Variants in STX7 observed in about 807,000 individuals in gnomAD.
STX7 encodes the protein syntaxin 7.
In STX7, 34 loss-of-function variants were observed where a neutral mutation model predicts 39.6. That is an observed-to-expected ratio of 0.86 (90% CI 0.65 to 1.14). STX7 has a LOEUF of 1.14. STX7 is among the 50% of genes most tolerant of loss of function. The pLI is 0.00. For missense variants in STX7, 284 were observed against 310.4 expected, an observed-to-expected ratio of 0.92 and a Z score of 0.64; for synonymous variants, 119 against 99.1, an observed-to-expected ratio of 1.20 and a Z score of -1.19.
intron 3 of STX7, among the ~76,000 whole-genome samples, chr6:132,474,227 CAAAAAAAAAAA>C (rs67939950): frequency 2.9e-5 from 2 of 69,914 alleles, no homozygotes; most frequent in African/African-American, 5.7e-5. Context: ...GATCCTGTCT[CAAAAAAAAAAA>C]AAAAAAAAAA....
At chr6:132,468,662 A>G (rs778445437) in intron 7 of STX7, among the ~76,000 whole-genome samples, 187 bp from the exon 8 acceptor site, 3 of 152,178 alleles carry the variant, frequency 2.0e-5, no homozygotes, top group Admixed American at 1.3e-4. Flanking sequence ...GAATTTGAAC[A>G]ATAGCCACCA....
chr6:132,485,879 C>T (rs1249763355), intron 2 of STX7, among the ~76,000 whole-genome samples: 1 of 152,102 alleles, frequency 6.6e-6, no homozygotes, highest in Non-Finnish European at 1.5e-5. Flanking sequence ...ATTATATAAG[C>T]TTTCTTTAAT....
intron 2 of STX7, among the ~76,000 whole-genome samples, chr6:132,486,838 T>C (rs1382641555): frequency 6.6e-6 from 1 of 152,060 alleles, no homozygotes; most frequent in Non-Finnish European, 1.5e-5. Flanking sequence ...GCTAATTTTT[T>C]GTACTTTTAG....
At chr6:132,492,153 G>A (rs1775305984) in intron 2 of STX7, among the ~76,000 whole-genome samples, 2 of 152,062 alleles carry the variant, frequency 1.3e-5, no homozygotes, top group African/African-American at 4.8e-5. Context: ...TAATGGCCAG[G>A]GGTGCTTAAC....
At chr6:132,487,457 T>A (rs1775168308) in intron 2 of STX7, among the ~76,000 whole-genome samples, 1 of 151,950 alleles carries the variant, frequency 6.6e-6, no homozygotes, top group Non-Finnish European at 1.5e-5. Flanking sequence ...GAGGGGAACA[T>A]CACACACCAG....
At position 132,472,301 on chromosome 6, in the gene STX7, G is replaced by A. The variant is rs778068381; in HGVS notation, c.230C>T (p.Pro77Leu). The change falls in exon 4 of 10, where the codon CCC (proline) becomes CTC (leucine). Residue 77 changes from proline to leucine, a missense_variant. Coordinates refer to ENST00000367941, the MANE Select transcript of STX7 (RefSeq NM_003569.3). Reference protein sequence around the residue: ...DKYIKEFGSLPTTPSEQRQRK... With the variant: ...DKYIKEFGSLLTTPSEQRQRK... ...TGATACCTGTTCACTGGGGGTGGTG[G>A]GCAGAGATCCAAACTCTTTAATGTA... The A allele has an allele frequency of 3.1e-6, 5 of 1,612,818 alleles. No homozygotes were observed. Among genetic ancestry groups the A allele is most frequent in the East Asian group, 2.2e-5 (1 of 44,802 alleles).
In STX7 at chr6:132,448,162, CT is replaced by C. The variant is rs1449710976; in HGVS notation, c.*12595del. On this transcript the variant is annotated 3_prime_UTR_variant, in exon 10 of 10. Coordinates refer to ENST00000367941, the MANE Select transcript of STX7 (RefSeq NM_003569.3). ...ACTAACTTCTAAGTGCTCCCGGACA[CT>C]TTCCCCACATATACATTTCCTGAGT... The C allele has an allele frequency of 2.6e-5, 4 of 152,212 alleles. No individual in the cohort carries two copies. Among genetic ancestry groups the C allele is most frequent in the Admixed American group, 6.5e-5 (1 of 15,280 alleles). The allele number at this position is 152,212 out of a possible 1,614,324, so 9.4% of individuals were successfully genotyped here.
Position 132,484,543 on chromosome 6 carries a change from G to C in STX7, c.86-8881C>G, listed in dbSNP as rs376773800. ...GGCAGATCAACCTAACACACACACA[G>C]AGTACCTTTAAAGAACTGTCTCCAA... On this transcript the variant is annotated intron_variant, in intron 2 of 9. Coordinates refer to ENST00000367941, the MANE Select transcript of STX7 (RefSeq NM_003569.3). Among the ~76,000 whole-genome samples the C allele has an allele frequency of 1.2e-3, 189 of 152,186 alleles. 3 individuals are homozygous for C. The highest frequency in any genetic ancestry group is 4.2e-3 in the African/African-American group (175 of 41,518).
chr6:132,451,151 A>T lies in STX7; in HGVS notation c.*9607T>A, dbSNP rs1458938572. On this transcript the variant is annotated 3_prime_UTR_variant, in exon 10 of 10. Coordinates refer to ENST00000367941, the MANE Select transcript of STX7 (RefSeq NM_003569.3). ...CTCGTTCTGTTGCTCAGACTGGAGTACAGTGGTGCGATCTCAGCTCACTGT... is the reference window on the plus strand; with the variant it reads ...CTCGTTCTGTTGCTCAGACTGGAGTTCAGTGGTGCGATCTCAGCTCACTGT... 1.3e-5 allele frequency: 2 copies of T among 149,480 alleles called. No individual in the cohort carries two copies. The highest frequency in any genetic ancestry group is 5.0e-5 in the African/African-American group (2 of 39,836). The allele number at this position is 149,480 out of a possible 1,614,324, so 9.3% of individuals were successfully genotyped here.
In STX7 at chr6:132,448,837, CA is replaced by C. The variant is rs71030800; in HGVS notation, c.*11920del. 17,832 of 71,944 alleles carry C rather than the reference CA, an allele frequency of 0.25. 654 individuals are homozygous for C. The highest frequency in any genetic ancestry group is 0.49 in the East Asian group (1,075 of 2,214). The allele number at this position is 71,944 out of a possible 1,614,324, so 4.5% of individuals were successfully genotyped here. A position where few individuals can be genotyped will look rare whatever the true frequency, so the allele number is the denominator to read the frequency against. The stretch of plus-strand genomic sequence containing the variant: ...TGGGTGACAGAGCAAGACTCTGTCT[CA>C]AAAAAAAAAAAAAAAAAAAAAGGTC... On this transcript the variant is annotated 3_prime_UTR_variant, in exon 10 of 10. Transcript: ENST00000367941.
chr6:132,479,130 G>T (rs1774951367), intron 2 of STX7, among the ~76,000 whole-genome samples: 1 of 152,130 alleles, frequency 6.6e-6, no homozygotes, highest in Admixed American at 6.5e-5. Context: ...TAGATAACTG[G>T]CATACTTCTG....
At chr6:132,481,917 T>C (rs1775024064) in intron 2 of STX7, among the ~76,000 whole-genome samples, 1 of 152,172 alleles carries the variant, frequency 6.6e-6, no homozygotes, top group South Asian at 2.1e-4. Context: ...ACATTTCAGT[T>C]TGGAGATTCA....
rs1295625880 is a variant in STX7 at position 132,465,807 on chromosome 6, C to A, written c.611-1732G>T. Among the ~76,000 whole-genome samples the A allele has an allele frequency of 2.0e-5, 3 of 152,106 alleles. No homozygotes were observed. The East Asian group carries it at 5.8e-4, about 29-fold the overall frequency. ...TCTTGTTGCCAGGAAGAACTATATA[C>A]CCCGAGCAAGAGCCAAATTTTCCAT... is the stretch of plus-strand genomic sequence containing the variant. On this transcript the variant is annotated intron_variant, in intron 8 of 9. Transcript: ENST00000367941.
intron 2 of STX7, among the ~76,000 whole-genome samples, chr6:132,485,705 T>C (rs1038200532): frequency 1.4e-4 from 21 of 152,228 alleles, no homozygotes; most frequent in African/African-American, 5.1e-4. Context: ...TTTTGCCAAA[T>C]AGGTTAATAG....
rs770348151 is a variant in STX7 at position 132,471,498 on chromosome 6, A to G, written c.352T>C (p.Phe118Leu). 1 of 1,613,964 alleles carries G rather than the reference A, an allele frequency of 6.2e-7. No homozygotes were observed. ...QRQAAEREKE[F>L]VARVRASSRV... ...GAACTGGCTCTTACTCGAGCAACAA[A>G]CTCTTTCTCTCGCTCAGCAGCCTGC... Residue 118 changes from phenylalanine to leucine, a missense_variant, in exon 5 of 10, where the codon TTT becomes CTT. Phe to Leu is a conservative substitution (Grantham distance 22). Coordinates refer to ENST00000367941, the MANE Select transcript of STX7 (RefSeq NM_003569.3).
intron 7 of STX7, 46 bp from the exon 8 acceptor site, chr6:132,468,521 A>C: frequency 1.3e-6 from 2 of 1,504,730 alleles, no homozygotes; most frequent in Non-Finnish European, 1.8e-6. Context: ...TTCAGTCCCC[A>C]TTCCATAAAA....
intron 1 of STX7, 129 bp from the exon 2 acceptor site, chr6:132,503,717 A>T: frequency 2.3e-6 from 1 of 431,302 alleles, no homozygotes. Flanking sequence ...GCAAAGTGAC[A>T]CATCAAATAG....
In STX7 at chr6:132,452,472, T is replaced by C. The variant is rs1774154780; in HGVS notation, c.*8286A>G. ...ATTATTTGCAGATGACATGACTATC[T>C]ATATAAAAAAAAAATCCCAAGGAAT... On this transcript the variant is annotated 3_prime_UTR_variant, in exon 10 of 10. Transcript: ENST00000367941. 1 of 133,110 alleles carries C rather than the reference T, an allele frequency of 7.5e-6. No individual in the cohort carries two copies. Among genetic ancestry groups the C allele is most frequent in the African/African-American group, 2.6e-5 (1 of 37,868 alleles). 8.2% of individuals were successfully genotyped at this position (133,110 alleles called of 1,614,324 possible). A position where few individuals can be genotyped will look rare whatever the true frequency, so the allele number is the denominator to read the frequency against.
chr6:132,470,654 G>C, intron 5 of STX7, 28 bp from the exon 6 acceptor site: 2 of 1,577,140 alleles, frequency 1.3e-6, no homozygotes, highest in South Asian at 2.3e-5. Context: ...AGGATGGAAT[G>C]AGAAGGGGCA....
Sources: allele counts gnomAD v4.1 joint callset (sites outside exome capture counted in the v4.1 genomes callset), GRCh38; gene constraint gnomAD v4.1.1; transcripts MANE v1.5; gene names NCBI Gene and HGNC (gene_info 2026-07-23, HGNC 2026-07-21).